ANK3: variants seen among roughly 807,000 people sequenced by gnomAD.
ANK3 encodes ankyrin-3.
A neutral mutation model predicts 370.9 loss-of-function variants in ANK3; 57 were observed. The ratio of observed to expected loss-of-function variants is 0.15; its 90% confidence interval spans 0.12 to 0.19. The LOEUF is 0.19. Among genes scored for constraint, ANK3 ranks in the 10% least tolerant of loss-of-function variants. ANK3 has a pLI of 1.00. For synonymous variants in ANK3, 1,929 were observed against 1,946.3 expected (o/e 0.99, Z 0.23); for missense variants, 4,439 against 5,302.1 (o/e 0.84, Z 5.06).
At chr10:60,482,382 G>T (rs948696622) in intron 2 of ANK3, among the ~76,000 whole-genome samples, 1 of 152,122 alleles carries the variant, frequency 6.6e-6, no homozygotes, top group Non-Finnish European at 1.5e-5. Flanking sequence ...CAAAGATATT[G>T]CCAGTTTCTC....
In ANK3 at chr10:60,723,778, A is replaced by G. The variant is rs546857896; in HGVS notation, c.57+9485T>C. On this transcript the variant is annotated intron_variant, in intron 1 of 43. Coordinates refer to the ANK3 transcript ENST00000373827. ...ATTATAGCCATTTTCTATAACTATC[A>G]TCTCAGAATTACAAACAGTGAGTAG... Among the ~76,000 whole-genome samples the G allele has an allele frequency of 3.5e-4, 54 of 152,290 alleles. No individual in the cohort carries two copies. In the South Asian group the frequency reaches 8.1e-3, roughly 23 times the overall value.
intron 1 of ANK3, among the ~76,000 whole-genome samples, chr10:60,370,030 G>A (rs1566892673): frequency 6.6e-6 from 1 of 152,074 alleles, no homozygotes; most frequent in Non-Finnish European, 1.5e-5. Context: ...TTCTTCAGAG[G>A]TATTTTATAA....
At position 60,716,093 on chromosome 10, in the gene ANK3, C is replaced by T. The variant is rs151225984; in HGVS notation, c.57+17170G>A. Among the ~76,000 whole-genome samples the T allele has an allele frequency of 1.9e-3, 287 of 152,016 alleles. 2 individuals carry two copies. The highest frequency in any genetic ancestry group is 6.6e-3 in the African/African-American group (273 of 41,458). ...TCAAGTTTTTCTTGTGTACCTATTA[C>T]CAGACATGAATATTACATGAAAATA... On this transcript the variant is annotated intron_variant, in intron 1 of 43. Coordinates refer to the ANK3 transcript ENST00000373827.
chr10:60,205,487 A>C (rs76362157), intron 11 of ANK3, among the ~76,000 whole-genome samples: 2,419 of 152,292 alleles, frequency 0.016, 71 homozygotes, highest in African/African-American at 0.055. Flanking sequence ...TGCACCCACT[A>C]GAGAAGTACT....
chr10:60,084,560 G>A (rs1484880141), intron 32 of ANK3, 42 bp downstream of exon 32: 1 of 1,484,764 alleles, frequency 6.7e-7, no homozygotes, highest in Non-Finnish European at 9.4e-7. Flanking sequence ...CCTCATATCT[G>A]GAGTACGTAA....
chr10:60,050,007 G>T (rs746298109), intron 42 of ANK3, among the ~76,000 whole-genome samples: 7 of 152,158 alleles, frequency 4.6e-5, no homozygotes, highest in Non-Finnish European at 1.0e-4. Flanking sequence ...GATATGTTAA[G>T]CATAAAAGAC....
chr10:60,350,309 A>G (rs899417098), intron 1 of ANK3, among the ~76,000 whole-genome samples: 1 of 152,114 alleles, frequency 6.6e-6, no homozygotes, highest in Non-Finnish European at 1.5e-5. Flanking sequence ...AGTGGAGGGG[A>G]TATGGGGGAG....
chr10:60,341,486 A>T (rs2132982997), intron 1 of ANK3, among the ~76,000 whole-genome samples: 1 of 152,312 alleles, frequency 6.6e-6, no homozygotes, highest in African/African-American at 2.4e-5. Context: ...ATATAAGTAG[A>T]TAATATCAGA....
intron 28 of ANK3, among the ~76,000 whole-genome samples, chr10:60,094,181 ATTT>A (rs1169437967): frequency 0.037 from 4,256 of 116,358 alleles, 186 homozygotes; most frequent in African/African-American, 0.13. Context: ...ACAGTATTCT[ATTT>A]TTTTTTTTTT....
intron 1 of ANK3, among the ~76,000 whole-genome samples, chr10:60,647,618 AC>A (rs2078726294): frequency 6.6e-6 from 1 of 151,876 alleles, no homozygotes; most frequent in Non-Finnish European, 1.5e-5. Flanking sequence ...AAAAAAAAAA[AC>A]TTGCCTTGTG....
At chr10:60,223,795 T>C (rs1436740773) in intron 8 of ANK3, among the ~76,000 whole-genome samples, 1 of 152,206 alleles carries the variant, frequency 6.6e-6, no homozygotes. Flanking sequence ...TGTGACTAAG[T>C]CTCTTAGCTT....
At chr10:60,696,443 C>A (rs2079451065) in intron 1 of ANK3, among the ~76,000 whole-genome samples, 1 of 150,914 alleles carries the variant, frequency 6.6e-6, no homozygotes, top group South Asian at 2.1e-4. Flanking sequence ...GGCAGAGACA[C>A]AACCAAAAAA....
In ANK3 at chr10:60,424,528, T is replaced by C. The variant is rs994707342; in HGVS notation, c.97-144889A>G. ...ATTACACCAAACATTTTTGAGCTCT[T>C]CCTATATTAATATGCTTGGGTTCAG... On this transcript the variant is annotated intron_variant, in intron 2 of 43. Coordinates refer to the ANK3 transcript ENST00000373827. Among the ~76,000 whole-genome samples, 3 of 152,048 alleles carry C rather than the reference T, an allele frequency of 2.0e-5. No homozygotes were observed. In the East Asian group the frequency reaches 5.8e-4, roughly 29 times the overall value.
At chr10:60,210,678 G>C (rs559775959) in intron 9 of ANK3, among the ~76,000 whole-genome samples, 1 of 152,246 alleles carries the variant, frequency 6.6e-6, no homozygotes, top group South Asian at 2.1e-4. Flanking sequence ...AAATCTAGAA[G>C]GGCACACATG....
intron 40 of ANK3, chr10:60,059,926 AATC>A: frequency 6.2e-7 from 1 of 1,614,134 alleles, no homozygotes; most frequent in South Asian, 1.1e-5. Context: ...TCACTAAAAT[AATC>A]ATCTTGCTGG....
chr10:60,516,526 G>C (rs2076223408), intron 2 of ANK3, among the ~76,000 whole-genome samples: 1 of 152,084 alleles, frequency 6.6e-6, no homozygotes, highest in African/African-American at 2.4e-5. Flanking sequence ...TATTTTGAAA[G>C]ACTGTAGCAA....
chr10:60,302,099 T>C (rs2043944210), intron 1 of ANK3, among the ~76,000 whole-genome samples: 1 of 151,958 alleles, frequency 6.6e-6, no homozygotes, highest in Non-Finnish European at 1.5e-5. Context: ...ACTGAGAAAA[T>C]CCCTATTTTT....
chr10:60,063,203 G>C lies in ANK3; in HGVS notation c.12503C>G (p.Thr4168Arg), dbSNP rs765604672. The C allele has an allele frequency of 2.5e-6, 4 of 1,613,268 alleles. No individual in the cohort carries two copies. Among genetic ancestry groups the C allele is most frequent in the Admixed American group, 3.3e-5 (2 of 59,948 alleles). Residue 4168 changes from threonine to arginine, a missense_variant, in exon 40 of 44, where the codon ACA becomes AGA. Thr to Arg is a moderately conservative substitution (Grantham distance 71, BLOSUM62 -1). Coordinates refer to ENST00000280772, the MANE Select transcript of ANK3 (RefSeq NM_020987.5). ...ATCAAATATTGGTCCTTCTAGCAGTGTCACTATATCTATTCGATTAATTTT... is the reference window on the plus strand; with the variant it reads ...ATCAAATATTGGTCCTTCTAGCAGTCTCACTATATCTATTCGATTAATTTT... ...LTKINRIDIV[T>R]LLEGPIFDYG... is the part of the protein sequence containing the mutation.
In ANK3 at chr10:60,071,158, G is replaced by A; in HGVS notation, c.9723C>T (p.Asn3241=). The part of the protein sequence containing the change: ...EMPNDVSKDS[N]QRPKNNRVAY... ...CAACTCTGTTATTTTTGGGTCTTTG[G>A]TTAGAGTCTTTGCTCACGTCATTAG... is the stretch of plus-strand genomic sequence containing the variant. The change falls in exon 37 of 44, where the codon AAC becomes AAT. Residue 3241 remains asparagine, a synonymous_variant. Coordinates refer to ENST00000280772, the MANE Select transcript of ANK3 (RefSeq NM_020987.5). 6.2e-7 allele frequency: 1 copy of A among 1,614,104 alleles called. No homozygotes were observed. Among genetic ancestry groups the A allele is most frequent in the Non-Finnish European group, 8.5e-7 (1 of 1,180,014 alleles).
Sources: allele counts gnomAD v4.1 joint callset (sites outside exome capture counted in the v4.1 genomes callset), GRCh38; gene constraint gnomAD v4.1.1; transcripts MANE v1.5; gene names NCBI Gene and HGNC (gene_info 2026-07-23, HGNC 2026-07-21).